Variants in AP2B1 observed in about 807,000 individuals in gnomAD.
AP2B1 encodes adaptor related protein complex 2 subunit beta 1.
A neutral mutation model predicts 102.0 loss-of-function variants in AP2B1; 23 were observed. The ratio of observed to expected loss-of-function variants is 0.23; its 90% CI spans 0.16 to 0.32. AP2B1 has a LOEUF of 0.32. AP2B1 is among the 10% of genes least tolerant of loss of function. AP2B1 has a pLI of 1.00. For synonymous variants in AP2B1, 381 were observed against 421.2 expected, an observed-to-expected ratio of 0.90 and a Z score of 1.17; for missense variants, 541 against 1,157.4, an observed-to-expected ratio of 0.47 and a Z score of 7.73.
intron 12 of AP2B1, among the ~76,000 whole-genome samples, chr17:35,647,870 T>A (rs568425716): frequency 3.6e-5 from 5 of 137,174 alleles, no homozygotes; most frequent in Non-Finnish European, 6.0e-5. Context: ...TGGTTATGAG[T>A]TTTTTGGGTT....
chr17:35,701,930 C>CT (rs1467164409), intron 18 of AP2B1, among the ~76,000 whole-genome samples: 1 of 152,098 alleles, frequency 6.6e-6, no homozygotes, highest in Non-Finnish European at 1.5e-5. Context: ...CCCCATAGAA[C>CT]TTTTAAGTTC....
At chr17:35,597,010 A>G in intron 2 of AP2B1, 2 of 634,860 alleles carry the variant, frequency 3.2e-6, no homozygotes, top group Non-Finnish European at 5.9e-6. Context: ...TGCACGGTCC[A>G]GCTCGGACAC....
intron 17 of AP2B1, among the ~76,000 whole-genome samples, chr17:35,675,818 T>C (rs2142977644): frequency 6.6e-6 from 1 of 151,804 alleles, no homozygotes; most frequent in African/African-American, 2.4e-5. Flanking sequence ...ATACTGTTTT[T>C]CTCTCTAATC....
At chr17:35,627,244 GCTT>G in intron 7 of AP2B1, 138 bp from the exon 8 acceptor site, 1 of 478,486 alleles carries the variant, frequency 2.1e-6, no homozygotes. Context: ...GGAAGTTTAT[GCTT>G]TTTTTTTTTT....
At chr17:35,636,511 G>A (rs912409539) in intron 10 of AP2B1, 55 bp downstream of exon 10, 1 of 1,401,888 alleles carries the variant, frequency 7.1e-7, no homozygotes, top group African/African-American at 1.4e-5. Context: ...AATGTTTAAG[G>A]CACTTTGAAA....
At chr17:35,652,411 C>T (rs577322197) in intron 13 of AP2B1, among the ~76,000 whole-genome samples, 56 of 152,290 alleles carry the variant, frequency 3.7e-4, no homozygotes, top group Admixed American at 3.4e-3. Flanking sequence ...TCTGCATCTT[C>T]TAGAGGTTTA....
Position 35,598,224 on chromosome 17 carries a change from T to G in AP2B1, c.38-6T>G. The G allele has an allele frequency of 6.2e-7, 1 of 1,603,804 alleles. No individual in the cohort carries two copies. Among genetic ancestry groups the G allele is most frequent in the Non-Finnish European group, 8.5e-7 (1 of 1,171,370 alleles). ...AACCTTACCAGTTTGCTCTCATCTC[T>G]TGCAGGAGAAATATTTGAACTAAAA... On this transcript the variant is annotated splice_polypyrimidine_tract_variant and splice_region_variant and intron_variant, in intron 2 of 21. Transcript: ENST00000610402.
chr17:35,655,225 A>G (rs1056603827), intron 13 of AP2B1, among the ~76,000 whole-genome samples: 2 of 152,166 alleles, frequency 1.3e-5, no homozygotes, highest in African/African-American at 4.8e-5. Flanking sequence ...CGCTAATCTT[A>G]GCATTTAGTG....
intron 21 of AP2B1, among the ~76,000 whole-genome samples, chr17:35,721,545 A>G (rs2085394349): frequency 6.6e-6 from 1 of 152,108 alleles, no homozygotes; most frequent in Non-Finnish European, 1.5e-5. Context: ...AGGTGTGGAT[A>G]TTAAGAGTCC....
At position 35,657,766 on chromosome 17, in the gene AP2B1, T is replaced by C. The variant is rs1293032524; in HGVS notation, c.1964T>C (p.Leu655Pro). ...VSSMQMGAVD[L>P]LGGGLDSLLG... ...TCCATGCAGATGGGAGCAGTGGATC[T>C]CCTAGGAGGAGGACTAGATAGTCTG... The change falls in exon 14 of 22, where the codon CTC (leucine) becomes CCC (proline). Residue 655 changes from leucine to proline, a missense_variant. Leu to Pro is a moderately conservative substitution (Grantham distance 98). Around this residue, in one of 10 missense-constraint regions of AP2B1, gnomAD observed 27 missense variants for 84.1 expected, o/e 0.32. Coordinates refer to ENST00000610402, the MANE Select transcript of AP2B1 (RefSeq NM_001030006.2). The C allele has an allele frequency of 6.2e-7, 1 of 1,613,754 alleles. No individual in the cohort carries two copies. Among genetic ancestry groups the C allele is most frequent in the South Asian group, 1.1e-5 (1 of 91,068 alleles).
intron 20 of AP2B1, among the ~76,000 whole-genome samples, chr17:35,715,873 G>T (rs1158878188): frequency 2.0e-5 from 3 of 152,204 alleles, no homozygotes; most frequent in African/African-American, 4.8e-5. Flanking sequence ...AATGTCTCAT[G>T]AAAGGAGTCT....
chr17:35,626,786 G>A lies in AP2B1; in HGVS notation c.882G>A (p.Gly294=), dbSNP rs1277717937. The change falls in exon 7 of 22, where the codon GGG becomes GGA. Residue 294 remains glycine, a synonymous_variant. Transcript: ENST00000610402. ...CTCCACTTGTCACTTTGCTGTCTGG[G>A]GAGCCAGAAGTGCAGTATGTCGCCC... ...LAPPLVTLLS[G]EPEVQYVALR... 6.2e-7 allele frequency: 1 copy of A among 1,613,894 alleles called. No individual in the cohort carries two copies. Among genetic ancestry groups the A allele is most frequent in the South Asian group, 1.1e-5 (1 of 91,062 alleles).
intron 14 of AP2B1, among the ~76,000 whole-genome samples, chr17:35,663,767 G>A (rs1436662842): frequency 2.0e-5 from 3 of 152,184 alleles, no homozygotes; most frequent in Non-Finnish European, 4.4e-5. Context: ...CTTGCCCTGG[G>A]CCTCTTGATG....
At chr17:35,657,282 A>G (rs372130300) in intron 13 of AP2B1, among the ~76,000 whole-genome samples, 1 of 152,208 alleles carries the variant, frequency 6.6e-6, no homozygotes, top group South Asian at 2.1e-4. Context: ...TATATTTTAC[A>G]GTTTCTACAG....
chr17:35,615,711 A>G (rs954681514), intron 5 of AP2B1, among the ~76,000 whole-genome samples: 1 of 152,218 alleles, frequency 6.6e-6, no homozygotes, highest in African/African-American at 2.4e-5. Flanking sequence ...GAAATTTAAA[A>G]TGTGTAATAC....
At chr17:35,676,975 A>C (rs1721677188) in intron 17 of AP2B1, among the ~76,000 whole-genome samples, 1 of 152,150 alleles carries the variant, frequency 6.6e-6, no homozygotes, top group Admixed American at 6.6e-5. Flanking sequence ...TTCAAAAAAA[A>C]CCAAAAGGGT....
chr17:35,674,698 C>G (rs1422851739), intron 17 of AP2B1, among the ~76,000 whole-genome samples: 1 of 152,176 alleles, frequency 6.6e-6, no homozygotes, highest in African/African-American at 2.4e-5. Context: ...GAGTGAAACT[C>G]CATCTCAAAA....
chr17:35,704,157 C>T (rs1285540221), intron 18 of AP2B1, among the ~76,000 whole-genome samples: 1 of 152,216 alleles, frequency 6.6e-6, no homozygotes, highest in Non-Finnish European at 1.5e-5. Context: ...AAACTGGCTT[C>T]ATACTGTGTT....
Position 35,715,977 on chromosome 17 carries a change from A to G in AP2B1, c.2627-1218A>G, listed in dbSNP as rs114895634. On this transcript the variant is annotated intron_variant, in intron 20 of 21. Coordinates refer to ENST00000610402, the MANE Select transcript of AP2B1 (RefSeq NM_001030006.2). ...GCAAAACTAGTTCACGTCTATGTCTATGGTATTATGTAAATATTGGCATCT... is the reference window on the plus strand; with the variant it reads ...GCAAAACTAGTTCACGTCTATGTCTGTGGTATTATGTAAATATTGGCATCT... Among the ~76,000 whole-genome samples, 598 of 152,302 alleles carry G rather than the reference A, an allele frequency of 3.9e-3. 1 individual carries two copies. Among genetic ancestry groups the G allele is most frequent in the African/African-American group, 0.013 (560 of 41,564 alleles).
Sources: allele counts gnomAD v4.1 joint callset (sites outside exome capture counted in the v4.1 genomes callset), GRCh38; gene constraint gnomAD v4.1.1; regional missense constraint gnomAD v4.1.1; transcripts MANE v1.5; gene names NCBI Gene and HGNC (gene_info 2026-07-23, HGNC 2026-07-21).